The following MAGI2 variants were observed in gnomAD, a reference collection of about 807,000 sequenced individuals.
The protein encoded by MAGI2 is membrane associated guanylate kinase, WW and PDZ domain containing 2.
Under a neutral mutation model 133.3 loss-of-function variants are expected in MAGI2, and 35 were observed. The observed-to-expected ratio is 0.26, with a 90% CI of 0.20 to 0.35. MAGI2 has a LOEUF of 0.35. MAGI2 is among the 10% of genes least tolerant of loss of function. The probability of loss-of-function intolerance (pLI) is 1.00; values close to 1 mark genes in which losing one functional copy is unlikely to be tolerated. For synonymous variants in MAGI2, 729 were observed against 710.6 expected (o/e 1.03, Z -0.41); for missense variants, 1,636 against 1,863.4 (o/e 0.88, Z 2.25).
At chr7:78,961,519 A>G (rs78495131) in intron 2 of MAGI2, among the ~76,000 whole-genome samples, 4,015 of 152,224 alleles carry the variant, frequency 0.026, 176 homozygotes, top group African/African-American at 0.091. Flanking sequence ...TCCAGTGACA[A>G]AAAGAAAAAT....
intron 1 of MAGI2, among the ~76,000 whole-genome samples, chr7:79,370,195 C>T (rs2129132654): frequency 6.6e-6 from 1 of 151,822 alleles, no homozygotes; most frequent in Non-Finnish European, 1.5e-5. Flanking sequence ...TACATATGTC[C>T]AAATAGACAT....
chr7:78,378,647 T>C (rs918163291), intron 6 of MAGI2, among the ~76,000 whole-genome samples: 1 of 152,042 alleles, frequency 6.6e-6, no homozygotes, highest in Non-Finnish European at 1.5e-5. Context: ...AAGTATTCAT[T>C]GTGCAAATAC....
chr7:79,337,489 A>C (rs1056400906), intron 1 of MAGI2, among the ~76,000 whole-genome samples: 1 of 152,202 alleles, frequency 6.6e-6, no homozygotes, highest in South Asian at 2.1e-4. Context: ...TCTACAGCAT[A>C]AGTCAGCAGT....
At chr7:78,236,388 C>G (rs1397116333) in intron 10 of MAGI2, among the ~76,000 whole-genome samples, 1 of 152,168 alleles carries the variant, frequency 6.6e-6, no homozygotes, top group Non-Finnish European at 1.5e-5. Context: ...CTCACACATG[C>G]ATCTTCCTGA....
chr7:79,249,785 C>T (rs1833094741), intron 1 of MAGI2, among the ~76,000 whole-genome samples: 1 of 152,116 alleles, frequency 6.6e-6, no homozygotes. Context: ...GGAATACTTC[C>T]AAACTCATTC....
chr7:78,831,605 T>A (rs979574047), intron 2 of MAGI2, among the ~76,000 whole-genome samples: 10 of 152,188 alleles, frequency 6.6e-5, no homozygotes, highest in Non-Finnish European at 1.5e-4. Context: ...ACTAACTTCA[T>A]TGATCTTGAT....
chr7:79,130,932 CAT>C (rs1820887835), intron 1 of MAGI2, among the ~76,000 whole-genome samples: 1 of 134,872 alleles, frequency 7.4e-6, no homozygotes, highest in African/African-American at 2.6e-5. Context: ...TTCATTCATT[CAT>C]TTATTCATTC....
At position 78,516,744 on chromosome 7, in the gene MAGI2, G is replaced by A. The variant is rs114012725; in HGVS notation, c.754+4686C>T. ...TCCTGGAGGCATACAGATCCCTTAG[G>A]GAACTATAGTCCACAAATGAGTTAG... is the stretch of plus-strand genomic sequence containing the variant. On this transcript the variant is annotated intron_variant, in intron 4 of 21. Transcript: ENST00000354212. 4.3e-3 allele frequency among the ~76,000 whole-genome samples: 662 copies of A among 152,240 alleles called. 5 individuals are homozygous for A. The highest frequency in any genetic ancestry group is 0.015 in the African/African-American group (643 of 41,538).
At chr7:78,592,370 G>A (rs978024457) in intron 3 of MAGI2, among the ~76,000 whole-genome samples, 3 of 148,532 alleles carry the variant, frequency 2.0e-5, no homozygotes, top group Non-Finnish European at 4.4e-5. Flanking sequence ...AAGGACCAGA[G>A]AGCAAATAGT....
At chr7:78,704,095 C>A (rs933397506) in intron 2 of MAGI2, among the ~76,000 whole-genome samples, 1 of 152,034 alleles carries the variant, frequency 6.6e-6, no homozygotes, top group African/African-American at 2.4e-5. Flanking sequence ...AACTAAAGAG[C>A]TTCTGCATAT....
At chr7:78,934,694 A>T (rs1196888785) in intron 2 of MAGI2, among the ~76,000 whole-genome samples, 1 of 152,138 alleles carries the variant, frequency 6.6e-6, no homozygotes, top group Non-Finnish European at 1.5e-5. Context: ...TTTAGATTTG[A>T]GTCCTTTCCC....
chr7:78,513,716 C>T (rs1795798351), intron 4 of MAGI2, among the ~76,000 whole-genome samples: 2 of 152,278 alleles, frequency 1.3e-5, no homozygotes, highest in South Asian at 4.1e-4. Context: ...CTCCCTCACA[C>T]ACAAATTACG....
At chr7:79,225,177 G>A (rs1410873835) in intron 1 of MAGI2, among the ~76,000 whole-genome samples, 2 of 152,074 alleles carry the variant, frequency 1.3e-5, no homozygotes, top group Non-Finnish European at 2.9e-5. Context: ...TCCACCACCT[G>A]TGCATACATT....
chr7:78,299,330 A>G (rs753089618), intron 9 of MAGI2, among the ~76,000 whole-genome samples: 7 of 152,216 alleles, frequency 4.6e-5, no homozygotes, highest in Admixed American at 1.3e-4. Context: ...CATCATAGTA[A>G]CAATGTTGCT....
intron 21 of MAGI2, among the ~76,000 whole-genome samples, chr7:78,036,194 G>T (rs756185635): frequency 6.6e-6 from 1 of 152,152 alleles, no homozygotes; most frequent in African/African-American, 2.4e-5. Flanking sequence ...GGATAGGAAA[G>T]AATTGAAATC....
At chr7:78,449,676 T>C (rs17150792) in intron 6 of MAGI2, among the ~76,000 whole-genome samples, 21,623 of 152,034 alleles carry the variant, frequency 0.14, 2,241 homozygotes, top group African/African-American at 0.3. Context: ...GGCTTCAAAA[T>C]TTTTTTGAGG....
At chr7:78,945,612 G>A (rs1356708949) in intron 2 of MAGI2, among the ~76,000 whole-genome samples, 1 of 152,004 alleles carries the variant, frequency 6.6e-6, no homozygotes, top group African/African-American at 2.4e-5. Context: ...AAATCTACCT[G>A]TAGTCACTAA....
intron 4 of MAGI2, among the ~76,000 whole-genome samples, chr7:78,506,306 G>A (rs1795081359): frequency 6.6e-6 from 1 of 152,130 alleles, no homozygotes; most frequent in Non-Finnish European, 1.5e-5. Flanking sequence ...GGTAGGGGTA[G>A]GCTATACATG....
At chr7:78,873,699 C>G (rs752064572) in intron 2 of MAGI2, among the ~76,000 whole-genome samples, 12 of 152,126 alleles carry the variant, frequency 7.9e-5, no homozygotes, top group Non-Finnish European at 1.0e-4. Context: ...CCACCCCACT[C>G]CCTTGCCCTG....
Sources: allele counts gnomAD v4.1 joint callset (sites outside exome capture counted in the v4.1 genomes callset), GRCh38; gene constraint gnomAD v4.1.1; transcripts MANE v1.5; gene names NCBI Gene and HGNC (gene_info 2026-07-23, HGNC 2026-07-21).